The following PMM2 variants were observed in gnomAD, a reference collection of about 807,000 sequenced individuals.
PMM2 encodes the protein phosphomannomutase 2, also known as mannose-6-phosphate isomerase.
PMM2 carries 35 observed loss-of-function variants against 33.2 expected under a neutral mutation model. That is an observed-to-expected ratio of 1.06 (90% CI 0.81 to 1.40). PMM2 has a LOEUF of 1.40. Among genes scored for constraint, PMM2 ranks in the 40% most tolerant of loss-of-function variants. The pLI is 0.00. For synonymous variants in PMM2, 153 were observed against 114.7 expected (o/e 1.33, Z -2.13); for missense variants, 386 against 306.0 (o/e 1.26, Z -1.95).
intron 7 of PMM2, among the ~76,000 whole-genome samples, chr16:8,841,234 T>C (rs2060888930): frequency 6.6e-6 from 1 of 151,076 alleles, no homozygotes; most frequent in Non-Finnish European, 1.5e-5. Flanking sequence ...CTTGGGTGAT[T>C]TGACTAGTAA....
intron 7 of PMM2, among the ~76,000 whole-genome samples, chr16:8,833,880 T>C (rs953199338): frequency 6.6e-6 from 1 of 152,108 alleles, no homozygotes; most frequent in African/African-American, 2.4e-5. Flanking sequence ...CTCAAGAGTT[T>C]AGAGTGGCAG....
At chr16:8,833,968 G>A (rs2060827566) in intron 7 of PMM2, among the ~76,000 whole-genome samples, 1 of 151,774 alleles carries the variant, frequency 6.6e-6, no homozygotes, top group African/African-American at 2.4e-5. Context: ...ACAAGAGCAG[G>A]GCATGTATGA....
intron 4 of PMM2, chr16:8,810,813 A>G (rs2060673121): frequency 1.0e-5 from 5 of 494,180 alleles, no homozygotes; most frequent in Non-Finnish European, 1.8e-5. Flanking sequence ...ATTTTAACAC[A>G]AAGTCAATAT....
At chr16:8,803,269 C>T (rs1375510140) in intron 2 of PMM2, among the ~76,000 whole-genome samples, 5 of 152,222 alleles carry the variant, frequency 3.3e-5, no homozygotes, top group Non-Finnish European at 5.9e-5. Context: ...TCCACTTCCA[C>T]TTCATTTTCC....
chr16:8,832,986 G>T, intron 7 of PMM2: 1 of 504,792 alleles, frequency 2.0e-6, no homozygotes, highest in Non-Finnish European at 2.4e-6. Flanking sequence ...CTGTGATGTG[G>T]TTTTGGTTTG....
intron 7 of PMM2, among the ~76,000 whole-genome samples, chr16:8,818,122 A>G (rs773987231): frequency 2.0e-5 from 3 of 152,094 alleles, no homozygotes; most frequent in Non-Finnish European, 2.9e-5. Context: ...CAGGATGGTC[A>G]TGATCTCCTG....
At chr16:8,811,611 C>T in intron 5 of PMM2, 27 bp from the exon 6 acceptor site, 3 of 1,438,294 alleles carry the variant, frequency 2.1e-6, no homozygotes, top group Non-Finnish European at 2.9e-6. Context: ...ATACAAGAAA[C>T]AATTGGTATC....
intron 7 of PMM2, among the ~76,000 whole-genome samples, chr16:8,837,525 G>A (rs1433704765): frequency 1.3e-5 from 2 of 151,826 alleles, no homozygotes; most frequent in African/African-American, 2.4e-5. Context: ...ACGGAGAAGG[G>A]GTGGGGGGTT....
At chr16:8,799,997 A>T (rs1237247881) in intron 1 of PMM2, among the ~76,000 whole-genome samples, 1 of 152,248 alleles carries the variant, frequency 6.6e-6, no homozygotes, top group African/African-American at 2.4e-5. Flanking sequence ...AAGAAAAATC[A>T]TTGAACTCCA....
chr16:8,821,941 G>A (rs1193295730), intron 7 of PMM2, among the ~76,000 whole-genome samples: 1 of 152,192 alleles, frequency 6.6e-6, no homozygotes, highest in African/African-American at 2.4e-5. Flanking sequence ...TTGTCTCATT[G>A]GCCCTGTAAC....
chr16:8,808,696 G>A (rs1017063657), intron 4 of PMM2: 2 of 152,238 alleles, frequency 1.3e-5, no homozygotes, highest in African/African-American at 2.4e-5. Context: ...GAAATGAGAA[G>A]AAGAATATGT....
intron 7 of PMM2, among the ~76,000 whole-genome samples, chr16:8,830,216 G>A (rs2060801827): frequency 6.6e-6 from 1 of 152,232 alleles, no homozygotes; most frequent in Non-Finnish European, 1.5e-5. Context: ...ACCAGTGAGG[G>A]GGGTTGGGGA....
At position 8,847,921 on chromosome 16, in the gene PMM2, G is replaced by C. The variant is rs11554040; in HGVS notation, c.*96G>C. On this transcript the variant is annotated 3_prime_UTR_variant, in exon 8 of 8. Transcript: ENST00000268261. ...TCCTCCCACACGTGCTCACCCACCC[G>C]CAGCCTAGGCAGGCTCTGCATGCTA... 136,922 of 858,700 alleles carry C rather than the reference G, an allele frequency of 0.16. 11,432 individuals carry two copies. The highest frequency in any genetic ancestry group is 0.22 in the East Asian group (8,493 of 38,520). The allele number at this position is 858,700 out of a possible 1,614,324, so 53.2% of individuals were successfully genotyped here. A position where few individuals can be genotyped will look rare whatever the true frequency, so the allele number is the denominator to read the frequency against.
At chr16:8,810,773 C>T (rs576195224) in intron 4 of PMM2, 26 of 400,986 alleles carry the variant, frequency 6.5e-5, no homozygotes, top group African/African-American at 3.5e-4. Flanking sequence ...GACAGAGTTT[C>T]GCCATGTTGT....
chr16:8,839,805 C>T (rs1192757068), intron 7 of PMM2, among the ~76,000 whole-genome samples: 1 of 151,456 alleles, frequency 6.6e-6, no homozygotes, highest in African/African-American at 2.4e-5. Context: ...GGGTCTTTGC[C>T]GAGAGATACA....
intron 7 of PMM2, among the ~76,000 whole-genome samples, chr16:8,821,822 A>C (rs746340697): frequency 9.2e-5 from 14 of 152,250 alleles, no homozygotes; most frequent in Non-Finnish European, 1.5e-4. Flanking sequence ...CTTTCAAAAC[A>C]TCATGACCCT....
intron 7 of PMM2, among the ~76,000 whole-genome samples, chr16:8,826,937 A>G (rs1567164292): frequency 6.6e-6 from 1 of 152,204 alleles, no homozygotes; most frequent in Non-Finnish European, 1.5e-5. Flanking sequence ...TTACCATACA[A>G]GATCTTTTCT....
rs1215663456 is a variant in PMM2 at position 8,849,023 on chromosome 16, T to C, written c.*1198T>C. On this transcript the variant is annotated 3_prime_UTR_variant, in exon 8 of 8. Coordinates refer to ENST00000268261, the MANE Select transcript of PMM2 (RefSeq NM_000303.3). ...CACCCTCCATTGCTTGGTGCTGGGGTTGTGTGGCCTCCACTGGGCACTTGC... is the reference window on the plus strand; with the variant it reads ...CACCCTCCATTGCTTGGTGCTGGGGCTGTGTGGCCTCCACTGGGCACTTGC... 3 of 152,240 alleles carry C rather than the reference T, an allele frequency of 2.0e-5. No homozygotes were observed. Among genetic ancestry groups the C allele is most frequent in the East Asian group, 3.9e-4 (2 of 5,174 alleles). 9.4% of individuals were successfully genotyped at this position (152,240 alleles called of 1,614,324 possible). A position where few individuals can be genotyped will look rare whatever the true frequency, so the allele number is the denominator to read the frequency against.
intron 2 of PMM2, chr16:8,802,294 T>G: frequency 2.2e-6 from 1 of 455,898 alleles, no homozygotes; most frequent in South Asian, 1.5e-5. Flanking sequence ...AAACAGAATC[T>G]CCAGCACAGG....
Sources: gnomAD v4.1 joint callset for allele counts (sites outside exome capture counted in the v4.1 genomes callset) on GRCh38, gnomAD v4.1.1 for gene constraint, MANE v1.5 for transcripts, NCBI Gene and HGNC (gene_info 2026-07-23, HGNC 2026-07-21) for gene names.